Variants in CNTN5 observed in about 807,000 individuals in gnomAD.
CNTN5 encodes the protein contactin-5.
In CNTN5, 77 loss-of-function variants were observed where a neutral mutation model predicts 129.1. The ratio of observed to expected loss-of-function variants is 0.60; its 90% CI spans 0.50 to 0.72. CNTN5 has a LOEUF of 0.72. CNTN5 is among the 30% of genes least tolerant of loss of function. The pLI, the probability that CNTN5 is intolerant of heterozygous loss-of-function variation, is 0.00. For synonymous variants in CNTN5, 509 were observed against 465.6 expected (o/e 1.09, Z -1.20); for missense variants, 1,478 against 1,328.8 (o/e 1.11, Z -1.75).
At chr11:99,995,042 CAT>C (rs1178562401) in intron 8 of CNTN5, among the ~76,000 whole-genome samples, 1 of 152,148 alleles carries the variant, frequency 6.6e-6, no homozygotes, top group African/African-American at 2.4e-5. Flanking sequence ...TTTTTGGTGA[CAT>C]AATAGTGCTA....
chr11:99,812,290 T>C (rs1399547877), intron 3 of CNTN5, among the ~76,000 whole-genome samples: 1 of 152,122 alleles, frequency 6.6e-6, no homozygotes, highest in Non-Finnish European at 1.5e-5. Flanking sequence ...TGTAATCATT[T>C]CCTTTCTGCT....
chr11:99,733,930 T>A (rs1943616739), intron 3 of CNTN5, among the ~76,000 whole-genome samples: 1 of 152,160 alleles, frequency 6.6e-6, no homozygotes, highest in Admixed American at 6.5e-5. Flanking sequence ...AGGGCCTCAC[T>A]GCTTTTTTTC....
chr11:100,108,194 G>C (rs77319670), intron 13 of CNTN5, among the ~76,000 whole-genome samples: 7,652 of 151,928 alleles, frequency 0.05, 610 homozygotes, highest in African/African-American at 0.17. Flanking sequence ...TAAAATATTA[G>C]AGGAGTTCCA....
At chr11:99,442,965 T>C (rs1943898381) in intron 2 of CNTN5, among the ~76,000 whole-genome samples, 1 of 152,236 alleles carries the variant, frequency 6.6e-6, no homozygotes, top group African/African-American at 2.4e-5. Flanking sequence ...TATATTGATA[T>C]TAAGACTTTC....
intron 1 of CNTN5, among the ~76,000 whole-genome samples, chr11:99,137,196 T>G (rs1056219804): frequency 2.0e-5 from 3 of 152,188 alleles, no homozygotes; most frequent in African/African-American, 7.2e-5. Flanking sequence ...TTAAACTTCA[T>G]GCATACAGAA....
rs1382434257 is a variant in CNTN5, at chr11:100,358,842, C to T, written c.*2622C>T. 1 of 151,876 alleles carries T rather than the reference C, an allele frequency of 6.6e-6. No homozygotes were observed. Among genetic ancestry groups the T allele is most frequent in the Non-Finnish European group, 1.5e-5 (1 of 67,870 alleles). The allele number at this position is 151,876 out of a possible 1,614,324, so 9.4% of individuals were successfully genotyped here. A position where few individuals can be genotyped will look rare whatever the true frequency, so the allele number is the denominator to read the frequency against. Reference sequence around the variant, plus strand: ...ATAGTTCTGTGTACTGTTCTTGTAACATTAGATCTTTTTAATAAATAATTC... The same window carrying T: ...ATAGTTCTGTGTACTGTTCTTGTAATATTAGATCTTTTTAATAAATAATTC... On this transcript the variant is annotated 3_prime_UTR_variant, in exon 25 of 25. Coordinates refer to ENST00000524871, the MANE Select transcript of CNTN5 (RefSeq NM_014361.4).
chr11:99,715,546 G>C (rs900341806), intron 3 of CNTN5, among the ~76,000 whole-genome samples: 3 of 151,844 alleles, frequency 2.0e-5, no homozygotes. Context: ...GAACCCCAAA[G>C]TCTGTTTTAT....
chr11:100,324,969 A>C (rs1348882286), intron 21 of CNTN5, among the ~76,000 whole-genome samples: 1 of 152,184 alleles, frequency 6.6e-6, no homozygotes, highest in African/African-American at 2.4e-5. Context: ...AATAATACTG[A>C]CTGCCAGCAT....
intron 3 of CNTN5, among the ~76,000 whole-genome samples, chr11:99,782,125 A>G (rs956501410): frequency 1.3e-5 from 2 of 151,480 alleles, no homozygotes; most frequent in Non-Finnish European, 2.9e-5. Context: ...CAACTTCAGC[A>G]AAGTCTCAGG....
chr11:100,286,182 G>A (rs991078464), intron 18 of CNTN5, among the ~76,000 whole-genome samples: 59 of 152,254 alleles, frequency 3.9e-4, no homozygotes, highest in African/African-American at 1.2e-3. Context: ...CTGGGGGAGG[G>A]GCGCCCGCCA....
chr11:100,023,209 T>A (rs983172391), intron 9 of CNTN5, among the ~76,000 whole-genome samples: 2 of 152,222 alleles, frequency 1.3e-5, no homozygotes, highest in Non-Finnish European at 2.9e-5. Context: ...TTTGTATGTT[T>A]CACCTTTTGA....
intron 8 of CNTN5, among the ~76,000 whole-genome samples, chr11:99,984,474 C>T (rs540695669): frequency 3.3e-5 from 5 of 150,994 alleles, no homozygotes; most frequent in African/African-American, 1.2e-4. Context: ...AGGTTGTTTT[C>T]TGTTGTGGTG....
intron 7 of CNTN5, among the ~76,000 whole-genome samples, chr11:99,955,811 G>T (rs184147195): frequency 6.6e-6 from 1 of 151,946 alleles, no homozygotes; most frequent in Non-Finnish European, 1.5e-5. Context: ...TGATCCGCCC[G>T]CCTCGGCCTC....
chr11:99,875,011 T>C (rs1948596279), intron 6 of CNTN5, among the ~76,000 whole-genome samples: 2 of 152,184 alleles, frequency 1.3e-5, no homozygotes, highest in African/African-American at 4.8e-5. Flanking sequence ...TGGGAAATGG[T>C]GTTTGAAGAA....
At chr11:100,103,677 A>G (rs1487209502) in intron 13 of CNTN5, among the ~76,000 whole-genome samples, 1 of 152,184 alleles carries the variant, frequency 6.6e-6, no homozygotes, top group East Asian at 1.9e-4. Context: ...TGCTCCAGTC[A>G]GTACAGGGTT....
At chr11:99,796,779 C>G (rs1326040771) in intron 3 of CNTN5, among the ~76,000 whole-genome samples, 1 of 152,092 alleles carries the variant, frequency 6.6e-6, no homozygotes, top group Non-Finnish European at 1.5e-5. Flanking sequence ...CCTGGCTGAG[C>G]TTCACTGCAG....
intron 2 of CNTN5, among the ~76,000 whole-genome samples, chr11:99,517,116 C>G (rs1947084916): frequency 6.6e-6 from 1 of 152,156 alleles, no homozygotes; most frequent in African/African-American, 2.4e-5. Flanking sequence ...ACCCTATAGA[C>G]AGGTTTTATC....
chr11:99,497,360 G>C (rs2135370875), intron 2 of CNTN5, among the ~76,000 whole-genome samples: 2 of 151,764 alleles, frequency 1.3e-5, no homozygotes, highest in South Asian at 4.2e-4. Flanking sequence ...GAACAGACAA[G>C]GGAACACTGC....
chr11:99,042,628 G>T (rs942726698), intron 1 of CNTN5, among the ~76,000 whole-genome samples: 2 of 151,844 alleles, frequency 1.3e-5, no homozygotes, highest in African/African-American at 4.8e-5. Flanking sequence ...GCCTGTCTCG[G>T]CCTCTCAAAT....
Sources: allele counts gnomAD v4.1 joint callset (sites outside exome capture counted in the v4.1 genomes callset), GRCh38; gene constraint gnomAD v4.1.1; transcripts MANE v1.5; gene names NCBI Gene and HGNC (gene_info 2026-07-23, HGNC 2026-07-21).